DISC1: variants seen among roughly 807,000 people sequenced by gnomAD.
The protein encoded by DISC1 is disrupted in schizophrenia 1 protein.
A neutral mutation model predicts 84.5 loss-of-function variants in DISC1; 57 were observed. The observed-to-expected ratio is 0.67, with a 90% CI of 0.55 to 0.84. DISC1 has a LOEUF of 0.84. Ranked by LOEUF, DISC1 falls within the 40% of genes least tolerant of loss-of-function variation. DISC1 has a pLI of 0.00. For missense variants in DISC1, 1,000 were observed against 1,057.8 expected (o/e 0.95, Z 0.76); for synonymous variants, 411 against 415.2 (o/e 0.99, Z 0.12).
intron 1 of DISC1, among the ~76,000 whole-genome samples, chr1:231,644,019 T>C (rs2059935631): frequency 6.6e-6 from 1 of 152,224 alleles, no homozygotes. Context: ...CCATATGTGC[T>C]AGCTGCAATT....
intron 9 of DISC1, among the ~76,000 whole-genome samples, chr1:231,945,757 G>A (rs911360816): frequency 6.6e-5 from 10 of 152,018 alleles, no homozygotes; most frequent in East Asian, 1.9e-4. Flanking sequence ...TCAAAGAGAC[G>A]CAATAAAAAA....
chr1:231,651,881 G>A (rs752401107), intron 1 of DISC1, among the ~76,000 whole-genome samples: 8 of 152,244 alleles, frequency 5.3e-5, no homozygotes, highest in Non-Finnish European at 1.2e-4. Flanking sequence ...CCATGGGTGT[G>A]GGACCTGCTG....
At chr1:231,861,945 G>GA (rs149258437) in intron 9 of DISC1, among the ~76,000 whole-genome samples, 2,711 of 151,862 alleles carry the variant, frequency 0.018, 47 homozygotes, top group African/African-American at 0.043. Context: ...AGTTCTCCAG[G>GA]AAAAAAAAGT....
intron 9 of DISC1, among the ~76,000 whole-genome samples, chr1:231,867,386 G>T (rs1041975174): frequency 6.6e-6 from 1 of 152,166 alleles, no homozygotes; most frequent in African/African-American, 2.4e-5. Flanking sequence ...GGGCTGATTC[G>T]TGGAAGGTTT....
chr1:231,928,660 T>C (rs2090484741), intron 9 of DISC1, among the ~76,000 whole-genome samples: 1 of 152,206 alleles, frequency 6.6e-6, no homozygotes, highest in Non-Finnish European at 1.5e-5. Flanking sequence ...GGGTGTCGAT[T>C]TGAGATCTTT....
intron 9 of DISC1, among the ~76,000 whole-genome samples, chr1:231,931,599 A>T (rs578120735): frequency 6.6e-6 from 1 of 151,480 alleles, no homozygotes; most frequent in African/African-American, 2.4e-5. Context: ...TGACCCTATC[A>T]TCCTTTGAGG....
At chr1:231,948,424 G>A (rs1404639783) in intron 9 of DISC1, among the ~76,000 whole-genome samples, 1 of 152,104 alleles carries the variant, frequency 6.6e-6, no homozygotes, top group African/African-American at 2.4e-5. Context: ...ATGGACATAG[G>A]GAGGGGAACA....
intron 4 of DISC1, among the ~76,000 whole-genome samples, chr1:231,754,511 T>C (rs2074932888): frequency 6.6e-6 from 1 of 152,182 alleles, no homozygotes; most frequent in African/African-American, 2.4e-5. Context: ...CACCAGGGGA[T>C]GGTGTTAAAC....
chr1:231,764,848 G>A (rs1433635078), intron 4 of DISC1, among the ~76,000 whole-genome samples: 1 of 152,168 alleles, frequency 6.6e-6, no homozygotes, highest in Non-Finnish European at 1.5e-5. Context: ...TGCCAGGCCA[G>A]TTTGTTAGGT....
chr1:231,781,067 G>A (rs915102242), intron 6 of DISC1, among the ~76,000 whole-genome samples: 4 of 149,194 alleles, frequency 2.7e-5, no homozygotes, highest in Non-Finnish European at 5.9e-5. Context: ...GCTAGATGAC[G>A]GTTAGTGGGT....
chr1:231,678,078 T>G (rs2125523204), intron 1 of DISC1, among the ~76,000 whole-genome samples: 1 of 152,354 alleles, frequency 6.6e-6, no homozygotes, highest in East Asian at 1.9e-4. Context: ...ATTAGTCATC[T>G]ACAGAAGTAA....
intron 10 of DISC1, among the ~76,000 whole-genome samples, chr1:231,977,180 T>G (rs1301035647): frequency 1.3e-5 from 2 of 152,252 alleles, no homozygotes; most frequent in African/African-American, 2.4e-5. Context: ...CAAACTAGTT[T>G]CAGCTATCCT....
intron 9 of DISC1, among the ~76,000 whole-genome samples, chr1:231,883,683 T>A (rs1482812958): frequency 6.6e-6 from 1 of 152,042 alleles, no homozygotes; most frequent in Non-Finnish European, 1.5e-5. Flanking sequence ...TGAGGCCTGG[T>A]GAGAGCTGGT....
At chr1:231,787,019 G>C (rs1433224945) in intron 6 of DISC1, among the ~76,000 whole-genome samples, 4 of 152,218 alleles carry the variant, frequency 2.6e-5, no homozygotes, top group Non-Finnish European at 4.4e-5. Flanking sequence ...ATGTGGCAGA[G>C]AGCAAGGAAG....
chr1:231,879,145 T>A (rs2086103655), intron 9 of DISC1, among the ~76,000 whole-genome samples: 1 of 152,112 alleles, frequency 6.6e-6, no homozygotes, highest in Admixed American at 6.5e-5. Flanking sequence ...TGTTCAGCAT[T>A]CCTAATCTGA....
intron 6 of DISC1, among the ~76,000 whole-genome samples, chr1:231,784,171 T>C (rs113147356): frequency 6.6e-6 from 1 of 150,630 alleles, no homozygotes; most frequent in Non-Finnish European, 1.5e-5. Flanking sequence ...GCTGAGGCAG[T>C]ACAATCGCTT....
At chr1:231,982,673 G>A (rs182878529) in intron 10 of DISC1, among the ~76,000 whole-genome samples, 7 of 151,938 alleles carry the variant, frequency 4.6e-5, no homozygotes, top group African/African-American at 1.7e-4. Flanking sequence ...TCTGGAAAGC[G>A]ACTTAGGGGA....
intron 10 of DISC1, among the ~76,000 whole-genome samples, chr1:231,991,646 T>C (rs1444796294): frequency 6.6e-6 from 1 of 152,206 alleles, no homozygotes; most frequent in Non-Finnish European, 1.5e-5. Flanking sequence ...CTGTGCATGC[T>C]TTGGCAGAAT....
intron 10 of DISC1, among the ~76,000 whole-genome samples, chr1:231,968,311 C>G (rs1260277991): frequency 6.6e-6 from 1 of 152,060 alleles, no homozygotes. Flanking sequence ...TCCTTCAAAA[C>G]AAGAAAAGAA....
Sources: allele counts gnomAD v4.1 joint callset (sites outside exome capture counted in the v4.1 genomes callset), GRCh38; gene constraint gnomAD v4.1.1; transcripts MANE v1.5; gene names NCBI Gene and HGNC (gene_info 2026-07-23, HGNC 2026-07-21).